Variants in LMBR1 observed in about 807,000 individuals in gnomAD.
LMBR1 encodes limb region 1 protein homolog.
Under a neutral mutation model 73.9 loss-of-function variants are expected in LMBR1, and 52 were observed. That is an observed-to-expected ratio of 0.70 (90% CI 0.56 to 0.89). The LOEUF is 0.89. Ranked by LOEUF, LMBR1 falls within the 40% of genes least tolerant of loss-of-function variation. LMBR1 has a pLI of 0.00. For synonymous variants in LMBR1, 215 were observed against 209.4 expected (o/e 1.03, Z -0.23); for missense variants, 539 against 579.8 (o/e 0.93, Z 0.72).
chr7:156,832,515 T>C (rs774482672), intron 3 of LMBR1, among the ~76,000 whole-genome samples: 24 of 152,226 alleles, frequency 1.6e-4, no homozygotes, highest in Non-Finnish European at 2.9e-4. Flanking sequence ...TTATCTATTC[T>C]GGACATTTCT....
At chr7:156,889,797 T>C (rs1802575098) in intron 1 of LMBR1, among the ~76,000 whole-genome samples, 1 of 152,176 alleles carries the variant, frequency 6.6e-6, no homozygotes, top group Non-Finnish European at 1.5e-5. Flanking sequence ...GAGACAGGTC[T>C]GGGCAACACG....
rs113864350 is a variant in LMBR1 at position 156,837,447 on chromosome 7, G to A, written c.67-562C>T. 9.9e-4 allele frequency among the ~76,000 whole-genome samples: 145 copies of A among 145,840 alleles called. 2 individuals are homozygous for A. The highest frequency in any genetic ancestry group is 3.7e-3 in the Middle Eastern group (1 of 270). On this transcript the variant is annotated intron_variant, in intron 1 of 16. Transcript: ENST00000353442. The stretch of plus-strand genomic sequence containing the variant: ...AAGCCCAATGGAGACTTTTCTTTCC[G>A]TAACTTGATCCAATGTTTTTCAAAA...
chr7:156,716,907 CAGGAGTTCA>C (rs1476428399), intron 15 of LMBR1, among the ~76,000 whole-genome samples: 1 of 152,042 alleles, frequency 6.6e-6, no homozygotes, highest in Non-Finnish European at 1.5e-5. Context: ...CACTTGAGCC[CAGGAGTTCA>C]AGGAGTTCAA....
chr7:156,784,366 A>G (rs1827707231), intron 5 of LMBR1, among the ~76,000 whole-genome samples: 1 of 152,236 alleles, frequency 6.6e-6, no homozygotes. Flanking sequence ...ATAGATCTAG[A>G]GAGTGGACGG....
At chr7:156,712,163 G>C (rs1812201655) in intron 15 of LMBR1, among the ~76,000 whole-genome samples, 1 of 151,966 alleles carries the variant, frequency 6.6e-6, no homozygotes, top group Admixed American at 6.6e-5. Context: ...TAACAAAAAT[G>C]ACTTCATTAA....
intron 1 of LMBR1, among the ~76,000 whole-genome samples, chr7:156,891,221 T>C (rs868326640): frequency 8.5e-4 from 50 of 58,524 alleles, no homozygotes; most frequent in East Asian, 4.3e-3. Flanking sequence ...AATATATATA[T>C]ATATATATAT....
intron 3 of LMBR1, among the ~76,000 whole-genome samples, chr7:156,830,100 T>C (rs540218574): frequency 4.0e-4 from 61 of 152,352 alleles, no homozygotes; most frequent in African/African-American, 1.4e-3. Flanking sequence ...TGTGACCTTC[T>C]ATGACATTTC....
chr7:156,676,125 A>T, downstream of LMBR1: 1 of 884,108 alleles, frequency 1.1e-6, no homozygotes. Context: ...CATGGGCTTT[A>T]GGGTGACGGC....
Position 156,681,974 on chromosome 7 carries a change from A to T in LMBR1, c.*2104T>A, listed in dbSNP as rs1004841100. 3.3e-4 allele frequency: 50 copies of T among 152,276 alleles called. No homozygotes were observed. Among genetic ancestry groups the T allele is most frequent in the African/African-American group, 1.2e-3 (50 of 41,466 alleles). The allele number at this position is 152,276 out of a possible 1,614,324, so 9.4% of individuals were successfully genotyped here. On this transcript the variant is annotated 3_prime_UTR_variant, in exon 17 of 17. Transcript: ENST00000353442. ...CAGATGCTTGGGCATGTGCTCAGGA[A>T]GAGCCTCGAGGAACCGTGATTACGC... is the stretch of plus-strand genomic sequence containing the variant.
At chr7:156,764,086 T>C (rs1041758935) in intron 5 of LMBR1, among the ~76,000 whole-genome samples, 1 of 152,206 alleles carries the variant, frequency 6.6e-6, no homozygotes, top group African/African-American at 2.4e-5. Context: ...ACAAAGCAGA[T>C]TAATGAATTT....
chr7:156,742,378 C>G (rs1197071826), intron 9 of LMBR1, among the ~76,000 whole-genome samples: 1 of 150,904 alleles, frequency 6.6e-6, no homozygotes, highest in Non-Finnish European at 1.5e-5. Context: ...TTTAGCCAGA[C>G]CAAGAAAAAA....
intron 15 of LMBR1, among the ~76,000 whole-genome samples, chr7:156,713,628 C>A (rs972157356): frequency 6.6e-6 from 1 of 151,846 alleles, no homozygotes; most frequent in African/African-American, 2.4e-5. Flanking sequence ...TAGGGGAACA[C>A]GAGCGGAGTC....
At chr7:156,810,918 C>T (rs909846561) in intron 4 of LMBR1, among the ~76,000 whole-genome samples, 1 of 151,796 alleles carries the variant, frequency 6.6e-6, no homozygotes, top group Non-Finnish European at 1.5e-5. Flanking sequence ...TCAAGCGATT[C>T]TCCTCCCTCA....
chr7:156,888,336 G>A (rs577939431), intron 1 of LMBR1, among the ~76,000 whole-genome samples: 1 of 151,770 alleles, frequency 6.6e-6, no homozygotes, highest in South Asian at 2.1e-4. Flanking sequence ...CATGAACCGG[G>A]GGGGCGGAGC....
Position 156,833,865 on chromosome 7 carries a change from A to G in LMBR1, c.140-73T>C, listed in dbSNP as rs895436348. On this transcript the variant is annotated intron_variant, in intron 2 of 16. Transcript: ENST00000353442. ...TGCGTCATTAATTTATTAAAACTAT[A>G]AACACAATATAAACTTAAAAGGCAA... is the stretch of plus-strand genomic sequence containing the variant. 123 of 984,104 alleles carry G rather than the reference A, an allele frequency of 1.2e-4. 1 individual carries two copies. In the Admixed American group the frequency reaches 2.9e-3, roughly 23 times the overall value. 61.0% of individuals were successfully genotyped at this position (984,104 alleles called of 1,614,324 possible).
intron 5 of LMBR1, among the ~76,000 whole-genome samples, chr7:156,793,902 A>G (rs1453810206): frequency 6.6e-6 from 1 of 152,206 alleles, no homozygotes; most frequent in Non-Finnish European, 1.5e-5. Context: ...GTTTAGATGA[A>G]GTCACCTCCC....
chr7:156,892,474 C>G (rs901761276), intron 1 of LMBR1: 2 of 153,084 alleles, frequency 1.3e-5, no homozygotes, highest in East Asian at 3.9e-4. Context: ...GCCTACCTGG[C>G]CTGGCGGCGG....
At chr7:156,867,494 A>G (rs1798629074) in intron 1 of LMBR1, among the ~76,000 whole-genome samples, 1 of 152,258 alleles carries the variant, frequency 6.6e-6, no homozygotes, top group Non-Finnish European at 1.5e-5. Context: ...AAAGCCAAAA[A>G]GTGGAAACAA....
intron 15 of LMBR1, among the ~76,000 whole-genome samples, chr7:156,712,590 T>C (rs895414716): frequency 6.6e-6 from 1 of 152,120 alleles, no homozygotes; most frequent in Non-Finnish European, 1.5e-5. Context: ...CTGATCACAA[T>C]AGCAAAGATA....
Sources: allele counts gnomAD v4.1 joint callset (sites outside exome capture counted in the v4.1 genomes callset), GRCh38; gene constraint gnomAD v4.1.1; transcripts MANE v1.5; gene names NCBI Gene and HGNC (gene_info 2026-07-23, HGNC 2026-07-21).